PITPNM2: variants seen among roughly 807,000 people sequenced by gnomAD.
PITPNM2 encodes the protein phosphatidylinositol transfer protein membrane associated 2, also known as membrane-associated phosphatidylinositol transfer protein 2.
Under a neutral mutation model 132.2 loss-of-function variants are expected in PITPNM2, and 35 were observed. The observed-to-expected ratio is 0.26, with a 90% CI of 0.20 to 0.35. The LOEUF (loss-of-function observed/expected upper bound fraction) is 0.35, where lower values mean the gene tolerates loss of function less well. Among genes scored for constraint, PITPNM2 ranks in the 10% least tolerant of loss-of-function variants. PITPNM2 has a pLI of 1.00. For synonymous variants in PITPNM2, 738 were observed against 799.2 expected, an observed-to-expected ratio of 0.92 and a Z score of 1.29; for missense variants, 1,332 against 1,912.0, an observed-to-expected ratio of 0.70 and a Z score of 5.66.
At chr12:123,125,922 C>T (rs1224824607) in intron 1 of PITPNM2, among the ~76,000 whole-genome samples, 23 of 104,122 alleles carry the variant, frequency 2.2e-4, no homozygotes, top group African/African-American at 6.0e-4. Flanking sequence ...CAGGCTGGAG[C>T]GCAGTGGCGT....
At position 123,078,483 on chromosome 12, in the gene PITPNM2, G is replaced by A. The variant is rs1251627213; in HGVS notation, c.-96+31902C>T. ...CCACGATGCCCAGCCAGAGCCTGAA[G>A]TCGGGACCCCAGAGACTAAAGTGAC... On this transcript the variant is annotated intron_variant, in intron 2 of 25. Transcript: ENST00000320201. This position sits in a 1 kb window ranked among gnomAD's most constrained non-coding sequence, Gnocchi z 7.3. 1.3e-5 allele frequency among the ~76,000 whole-genome samples: 2 copies of A among 151,850 alleles called. No individual in the cohort carries two copies. Among genetic ancestry groups the A allele is most frequent in the Admixed American group, 1.3e-4 (2 of 15,278 alleles).
chr12:123,082,056 C>T lies in PITPNM2; in HGVS notation c.-96+28329G>A, dbSNP rs541860276. The stretch of plus-strand genomic sequence containing the variant: ...GGGCCTGTACCCCCACCCTGCAAAG[C>T]CTTCTCCTGGCTCCCTCAACAGACT... On this transcript the variant is annotated intron_variant, in intron 2 of 25. Transcript: ENST00000320201. This position sits in a 1 kb window ranked among gnomAD's most constrained non-coding sequence, Gnocchi z 5.4. The T allele has an allele frequency of 9.2e-5, 14 of 152,494 alleles. No individual in the cohort carries two copies. The highest frequency in any genetic ancestry group is 3.4e-4 in the African/African-American group (14 of 41,580). 9.4% of individuals were successfully genotyped at this position (152,494 alleles called of 1,614,324 possible). A position where few individuals can be genotyped will look rare whatever the true frequency, so the allele number is the denominator to read the frequency against.
rs914617017 is a variant in PITPNM2 at position 123,082,266 on chromosome 12, G to A, written c.-96+28119C>T. Among the ~76,000 whole-genome samples, 1 of 152,130 alleles carries A rather than the reference G, an allele frequency of 6.6e-6. No individual in the cohort carries two copies. Among genetic ancestry groups the A allele is most frequent in the African/African-American group, 2.4e-5 (1 of 41,444 alleles). Reference sequence around the variant, plus strand: ...TGCTCAAGGGCCCCTTCTCACTAAGGCCTTCCTTGACACCCTGATGTAAAA... The same window carrying A: ...TGCTCAAGGGCCCCTTCTCACTAAGACCTTCCTTGACACCCTGATGTAAAA... On this transcript the variant is annotated intron_variant, in intron 2 of 25. Coordinates refer to ENST00000320201, the MANE Select transcript of PITPNM2 (RefSeq NM_020845.3). This position sits in a 1 kb window ranked among gnomAD's most constrained non-coding sequence, Gnocchi z 5.4.
intron 4 of PITPNM2, 90 bp from the exon 5 acceptor site, chr12:123,012,824 G>A (rs2039264501): frequency 6.5e-7 from 1 of 1,529,592 alleles, no homozygotes; most frequent in Non-Finnish European, 8.9e-7. Flanking sequence ...GGTAGGAGTG[G>A]AGCTGGTGAG....
At chr12:123,128,514 G>T (rs1039121479) in intron 1 of PITPNM2, among the ~76,000 whole-genome samples, 1 of 150,640 alleles carries the variant, frequency 6.6e-6, no homozygotes, top group East Asian at 2.0e-4. Context: ...AGCACTTTGG[G>T]AGGCTGAGGG....
intron 2 of PITPNM2, among the ~76,000 whole-genome samples, chr12:123,060,588 C>G (rs766940250): frequency 4.6e-5 from 7 of 152,210 alleles, no homozygotes; most frequent in Non-Finnish European, 8.8e-5. Context: ...ACTCTCCCAC[C>G]ACAAATAAAC....
At chr12:123,025,339 A>G (rs1338927585) in intron 3 of PITPNM2, among the ~76,000 whole-genome samples, 1 of 152,128 alleles carries the variant, frequency 6.6e-6, no homozygotes, top group Non-Finnish European at 1.5e-5. Flanking sequence ...AAAACAAAAA[A>G]CAGACAAGAC....
rs1242085238 is a variant in PITPNM2 at position 123,012,614 on chromosome 12, G to C, written c.414C>G (p.Ile138Met). Residue 138 changes from isoleucine to methionine, a missense_variant and splice_region_variant, in exon 5 of 26, where the codon ATC becomes ATG. This residue lies in a region of PITPNM2 where 122 missense variants were observed against 209.6 expected (regional missense o/e 0.58). Transcript: ENST00000320201. ...TGGGGCTCTGCCCTTCCTGGTTACC[G>C]ATTGTCAGCTGGTTCTTTTCCACAG... ...LSPVEKNQLTIDFIDIVKDPV... is the reference protein window; with the variant it reads ...LSPVEKNQLTMDFIDIVKDPV... The C allele has an allele frequency of 6.2e-7, 1 of 1,614,014 alleles. No homozygotes were observed. The highest frequency in any genetic ancestry group is 1.1e-5 in the South Asian group (1 of 91,070).
chr12:123,027,689 G>A (rs2039915249), intron 3 of PITPNM2, among the ~76,000 whole-genome samples: 1 of 152,234 alleles, frequency 6.6e-6, no homozygotes, highest in African/African-American at 2.4e-5. Context: ...CAGAGCCACT[G>A]GGAGCCAGAC....
Position 123,129,060 on chromosome 12 carries a change from G to A in PITPNM2, c.-199-18572C>T, listed in dbSNP as rs565038833. ...TGAGGCAGAAGAATTGCTTGAACCC[G>A]GGAGGCAGAGATTGCAGTGAACCAA... On this transcript the variant is annotated intron_variant, in intron 1 of 25. Transcript: ENST00000320201. Among the ~76,000 whole-genome samples, 620 of 151,888 alleles carry A rather than the reference G, an allele frequency of 4.1e-3. 1 individual carries two copies. Among genetic ancestry groups the A allele is most frequent in the Non-Finnish European group, 7.1e-3 (481 of 67,916 alleles).
intron 3 of PITPNM2, chr12:123,034,142 A>G (rs2040191597): frequency 5.1e-6 from 1 of 197,858 alleles, no homozygotes; most frequent in Admixed American, 5.6e-5. Context: ...AACTGTGAGG[A>G]AGTGTGTTCC....
intron 1 of PITPNM2, among the ~76,000 whole-genome samples, chr12:123,115,538 C>T (rs867664010): frequency 8.6e-5 from 13 of 151,892 alleles, no homozygotes; most frequent in African/African-American, 2.4e-4. Flanking sequence ...CCAATACGCG[C>T]CCGCACACAC....
intron 20 of PITPNM2, 127 bp from the exon 21 acceptor site, chr12:122,988,028 T>C: frequency 1.0e-6 from 1 of 958,084 alleles, no homozygotes; most frequent in Non-Finnish European, 1.6e-6. Context: ...TGTCTGAGTC[T>C]GGATCAGACA....
intron 10 of PITPNM2, among the ~76,000 whole-genome samples, chr12:122,998,304 C>T (rs1285021433): frequency 6.6e-6 from 1 of 152,238 alleles, no homozygotes; most frequent in East Asian, 1.9e-4. Flanking sequence ...ACCCCACCTT[C>T]CTGCCAGGCC....
Position 122,996,505 on chromosome 12 carries a change from A to G in PITPNM2, c.1735T>C (p.Ser579Pro). Residue 579 changes from serine (S) to proline (P), a missense_variant, in exon 13 of 26, where the codon TCT (serine) becomes CCT (proline). This residue lies in a region of PITPNM2 where 710 missense variants were observed against 911.5 expected (regional missense o/e 0.78). Coordinates refer to ENST00000320201, the MANE Select transcript of PITPNM2 (RefSeq NM_020845.3). ...DALCYSNQPV[S>P]ESQSSSRRGS... ...CGGCGGCTGCTGCTCTGACTCTCAGACACCGGCTGGTTACTGTAGCACAGG... is the reference window on the plus strand; with the variant it reads ...CGGCGGCTGCTGCTCTGACTCTCAGGCACCGGCTGGTTACTGTAGCACAGG... The G allele has an allele frequency of 2.5e-6, 4 of 1,613,124 alleles. No individual in the cohort carries two copies. Among genetic ancestry groups the G allele is most frequent in the Non-Finnish European group, 3.4e-6 (4 of 1,180,020 alleles).
intron 2 of PITPNM2, among the ~76,000 whole-genome samples, chr12:123,045,219 C>T (rs1363205303): frequency 1.3e-5 from 2 of 152,196 alleles, no homozygotes; most frequent in Non-Finnish European, 2.9e-5. Context: ...AACAAAACAA[C>T]ATGCCACAGC....
At chr12:123,091,465 C>T (rs532668914) in intron 2 of PITPNM2, 1 of 152,224 alleles carries the variant, frequency 6.6e-6, no homozygotes, top group African/African-American at 2.4e-5. Context: ...AATCTAATTT[C>T]TCCACCTAGG....
chr12:123,121,422 T>A (rs1189223228), intron 1 of PITPNM2, among the ~76,000 whole-genome samples: 3 of 152,258 alleles, frequency 2.0e-5, no homozygotes, highest in Admixed American at 6.5e-5. Context: ...TTCTTAGATC[T>A]TTCCTACTTC....
At chr12:123,068,455 T>TAATAAATAAATA (rs138118886) in intron 2 of PITPNM2, among the ~76,000 whole-genome samples, 2 of 147,148 alleles carry the variant, frequency 1.4e-5, no homozygotes, top group Admixed American at 6.7e-5. Context: ...CTCCAAAAAA[T>TAATAAATAAATA]AATAAATAAA....
Sources: allele counts gnomAD v4.1 joint callset (sites outside exome capture counted in the v4.1 genomes callset), GRCh38; gene constraint gnomAD v4.1.1; regional missense constraint gnomAD v4.1.1; non-coding constraint Gnocchi (gnomAD v3.1); transcripts MANE v1.5; gene names NCBI Gene and HGNC (gene_info 2026-07-23, HGNC 2026-07-21).